The following ITFG1 variants were observed in gnomAD, a reference collection of about 807,000 sequenced individuals.
ITFG1 encodes integrin alpha FG-GAP repeat containing 1, also known as T-cell immunomodulatory protein.
A neutral mutation model predicts 81.8 loss-of-function variants in ITFG1; 34 were observed. The ratio of observed to expected loss-of-function variants is 0.42; its 90% CI spans 0.32 to 0.55. The LOEUF is 0.55. Ranked by LOEUF, ITFG1 falls within the 20% of genes least tolerant of loss-of-function variation. The pLI, the probability that ITFG1 is intolerant of heterozygous loss-of-function variation, is 0.17. For synonymous variants in ITFG1, 285 were observed against 270.6 expected (o/e 1.05, Z -0.52); for missense variants, 672 against 755.4 (o/e 0.89, Z 1.29).
intron 14 of ITFG1, among the ~76,000 whole-genome samples, chr16:47,195,465 T>A (rs1303297578): frequency 6.6e-6 from 1 of 152,226 alleles, no homozygotes; most frequent in Non-Finnish European, 1.5e-5. Context: ...AATCACCTAG[T>A]ACACTGCTAC....
chr16:47,160,399 T>C lies in ITFG1; in HGVS notation c.1661+1351A>G, dbSNP rs567200478. On this transcript the variant is annotated intron_variant, in intron 16 of 17. Coordinates refer to ENST00000320640, the MANE Select transcript of ITFG1 (RefSeq NM_030790.5). The stretch of plus-strand genomic sequence containing the variant: ...CTTCTTTTGTTTGTTGTTGTTGTTA[T>C]TGTTTTTTGCTTACCACTCCATCTT... Among the ~76,000 whole-genome samples, 234 of 152,270 alleles carry C rather than the reference T, an allele frequency of 1.5e-3. 1 individual carries two copies. The highest frequency in any genetic ancestry group is 2.5e-3 in the Non-Finnish European group (170 of 68,018).
chr16:47,258,654 A>G lies in ITFG1; in HGVS notation c.1308T>C (p.Asp436=), dbSNP rs773493816. ...CACCAATAACTTTAACAAAATAAGCATCTGCTTCAAAGTTATTTTTTAGTG... is the reference window on the plus strand; with the variant it reads ...CACCAATAACTTTAACAAAATAAGCGTCTGCTTCAAAGTTATTTTTTAGTG... ...IHTLKNNFEA[D]AYFVKVIVLS... is the part of the protein sequence containing the mutation. The change falls in exon 12 of 18, where the codon GAT becomes GAC. Residue 436 remains aspartate, a synonymous_variant. Coordinates refer to ENST00000320640, the MANE Select transcript of ITFG1 (RefSeq NM_030790.5). 5 of 1,480,628 alleles carry G rather than the reference A, an allele frequency of 3.4e-6. No individual in the cohort carries two copies. The highest frequency in any genetic ancestry group is 3.7e-6 in the Non-Finnish European group (4 of 1,070,014). 91.7% of individuals were successfully genotyped at this position (1,480,628 alleles called of 1,614,324 possible). A position where few individuals can be genotyped will look rare whatever the true frequency, so the allele number is the denominator to read the frequency against.
At chr16:47,245,748 C>T (rs779197055) in intron 12 of ITFG1, among the ~76,000 whole-genome samples, 35 of 152,004 alleles carry the variant, frequency 2.3e-4, no homozygotes, top group Non-Finnish European at 4.3e-4. Context: ...AAGCTGTGAA[C>T]ACATGAATTT....
At position 47,461,001 on chromosome 16, in the gene ITFG1, C is replaced by T. The variant is rs373126241; in HGVS notation, c.45G>A (p.Ser15=). The change falls in exon 1 of 18, where the codon TCG becomes TCA. Residue 15 remains serine, a synonymous_variant. Transcript: ENST00000320640. ...GRLPSSWALF[S]PLLAGLALLG... is the part of the protein sequence containing the mutation. ...GTAGTGCAAGCCCTGCGAGGAGCGG[C>T]GAGAAGAGGGCCCAGGAGCTCGGGA... 3.9e-5 allele frequency: 61 copies of T among 1,565,780 alleles called. No homozygotes were observed. The highest frequency in any genetic ancestry group is 2.4e-4 in the Admixed American group (13 of 53,190).
At position 47,154,452 on chromosome 16, in the gene ITFG1, C is replaced by T. The variant is rs1158671955; in HGVS notation, c.*1267G>A. Reference sequence around the variant, plus strand: ...CATGCTTAGATACAAAGTAAAAACACATGCCAATCTCAGTGAACTATAAAG... The same window carrying T: ...CATGCTTAGATACAAAGTAAAAACATATGCCAATCTCAGTGAACTATAAAG... On this transcript the variant is annotated 3_prime_UTR_variant, in exon 18 of 18. Transcript: ENST00000320640. The T allele has an allele frequency of 2.6e-5, 4 of 152,166 alleles. No homozygotes were observed. The highest frequency in any genetic ancestry group is 5.9e-5 in the Non-Finnish European group (4 of 68,016). The allele number at this position is 152,166 out of a possible 1,614,324, so 9.4% of individuals were successfully genotyped here. A position where few individuals can be genotyped will look rare whatever the true frequency, so the allele number is the denominator to read the frequency against.
rs148588798 is a variant in ITFG1 at position 47,450,454 on chromosome 16, C to A, written c.560+942G>T. ...ATGGGGCGCGTTCAGGGTGGTATGG[C>A]TGTAAACCAGAAAAAGTAATAGGAA... On this transcript the variant is annotated intron_variant, in intron 5 of 17. Transcript: ENST00000320640. 3.0e-3 allele frequency: 1,257 copies of A among 413,138 alleles called. 19 individuals are homozygous for A. Among genetic ancestry groups the A allele is most frequent in the African/African-American group, 0.025 (1,168 of 47,294 alleles). 25.6% of individuals were successfully genotyped at this position (413,138 alleles called of 1,614,324 possible). A position where few individuals can be genotyped will look rare whatever the true frequency, so the allele number is the denominator to read the frequency against.
chr16:47,404,974 T>C (rs752692754), intron 6 of ITFG1, among the ~76,000 whole-genome samples: 18 of 152,164 alleles, frequency 1.2e-4, no homozygotes, highest in Non-Finnish European at 2.5e-4. Context: ...TAGTAGTTTA[T>C]CTTATTTTCT....
chr16:47,356,885 T>C (rs949055506), intron 8 of ITFG1, among the ~76,000 whole-genome samples: 1 of 152,188 alleles, frequency 6.6e-6, no homozygotes, highest in African/African-American at 2.4e-5. Context: ...TGAGCTCCTA[T>C]GCCACTCTGA....
chr16:47,417,406 T>C (rs978581636), intron 6 of ITFG1, among the ~76,000 whole-genome samples: 5 of 152,220 alleles, frequency 3.3e-5, no homozygotes, highest in African/African-American at 1.2e-4. Flanking sequence ...TCAGGAACAC[T>C]TCAATTCTTC....
intron 10 of ITFG1, among the ~76,000 whole-genome samples, chr16:47,285,805 C>CA (rs1300782994): frequency 6.6e-6 from 1 of 152,170 alleles, no homozygotes; most frequent in Admixed American, 6.5e-5. Context: ...GTAGTCAATT[C>CA]AAAGAATTTT....
intron 5 of ITFG1, among the ~76,000 whole-genome samples, chr16:47,438,534 C>T (rs980743202): frequency 4.6e-5 from 7 of 152,268 alleles, no homozygotes; most frequent in Middle Eastern, 3.4e-3. Flanking sequence ...CACCAATATT[C>T]GCTGTTCTGC....
At chr16:47,255,310 C>A (rs1178768540) in intron 12 of ITFG1, among the ~76,000 whole-genome samples, 1 of 152,170 alleles carries the variant, frequency 6.6e-6, no homozygotes, top group Non-Finnish European at 1.5e-5. Context: ...TGTCACTCAT[C>A]ATGTGTTACT....
Position 47,239,200 on chromosome 16 carries a change from G to GT in ITFG1, c.1331-1193dup, listed in dbSNP as rs879368480. On this transcript the variant is annotated intron_variant, in intron 12 of 17. Coordinates refer to ENST00000320640, the MANE Select transcript of ITFG1 (RefSeq NM_030790.5). The stretch of plus-strand genomic sequence containing the variant: ...TCTGTTGTTTATAAATTACCCTAAG[G>GT]TTTTTTTTTTTTTCTTTTTGAGACA... 5.7e-3 allele frequency among the ~76,000 whole-genome samples: 823 copies of GT among 144,722 alleles called. 1 individual carries two copies. The highest frequency in any genetic ancestry group is 0.01 in the South Asian group (46 of 4,550). 94.9% of individuals were successfully genotyped at this position (144,722 alleles called of 152,430 possible).
intron 14 of ITFG1, among the ~76,000 whole-genome samples, chr16:47,181,566 C>T (rs1316931196): frequency 1.4e-5 from 2 of 146,296 alleles, no homozygotes; most frequent in Admixed American, 6.8e-5. Flanking sequence ...GGGGGTCAGC[C>T]CCCCCGCCCG....
chr16:47,379,971 A>C (rs539542597), intron 6 of ITFG1, among the ~76,000 whole-genome samples: 13 of 151,864 alleles, frequency 8.6e-5, no homozygotes, highest in African/African-American at 3.1e-4. Flanking sequence ...AGGCAGTACA[A>C]GACAGATACA....
intron 8 of ITFG1, among the ~76,000 whole-genome samples, chr16:47,327,246 T>C (rs1222614922): frequency 6.6e-6 from 1 of 152,174 alleles, no homozygotes; most frequent in Non-Finnish European, 1.5e-5. Flanking sequence ...ATTTAATAAA[T>C]GGTGCTGGGA....
At chr16:47,323,245 A>T (rs773358393) in intron 8 of ITFG1, among the ~76,000 whole-genome samples, 1 of 152,182 alleles carries the variant, frequency 6.6e-6, no homozygotes, top group Non-Finnish European at 1.5e-5. Flanking sequence ...TAATTAGTTG[A>T]TATGTTAATG....
chr16:47,373,143 C>T (rs1023206497), intron 7 of ITFG1, among the ~76,000 whole-genome samples: 1 of 152,158 alleles, frequency 6.6e-6, no homozygotes, highest in African/African-American at 2.4e-5. Context: ...CTTTCATGTT[C>T]TGGCCTAAAT....
chr16:47,349,289 A>T (rs1416006128), intron 8 of ITFG1, among the ~76,000 whole-genome samples: 1 of 152,224 alleles, frequency 6.6e-6, no homozygotes, highest in Non-Finnish European at 1.5e-5. Context: ...AGTCAGACCC[A>T]TCAGTGTGCT....
Sources: allele counts gnomAD v4.1 joint callset (sites outside exome capture counted in the v4.1 genomes callset), GRCh38; gene constraint gnomAD v4.1.1; transcripts MANE v1.5; gene names NCBI Gene and HGNC (gene_info 2026-07-23, HGNC 2026-07-21).